ATP6V0A4: variants seen among roughly 807,000 people sequenced by gnomAD.
ATP6V0A4 encodes V-type proton ATPase 116 kDa subunit a 4.
Under a neutral mutation model 107.3 loss-of-function variants are expected in ATP6V0A4, and 86 were observed. The ratio of observed to expected loss-of-function variants is 0.80; its 90% CI spans 0.67 to 0.96. The LOEUF is 0.96. Ranked by LOEUF, ATP6V0A4 falls within the 40% of genes least tolerant of loss-of-function variation. The pLI, the probability that ATP6V0A4 is intolerant of heterozygous loss-of-function variation, is 0.00. For missense variants in ATP6V0A4, 908 were observed against 1,045.6 expected (o/e 0.87, Z 1.81); for synonymous variants, 353 against 381.4 (o/e 0.93, Z 0.87).
At chr7:138,788,589 T>C (rs1056427712) in intron 1 of ATP6V0A4, among the ~76,000 whole-genome samples, 1 of 152,196 alleles carries the variant, frequency 6.6e-6, no homozygotes, top group African/African-American at 2.4e-5. Flanking sequence ...TACCAAACTC[T>C]ATAATATCCT....
At chr7:138,769,584 G>C (rs552639713) in intron 3 of ATP6V0A4, among the ~76,000 whole-genome samples, 1 of 152,108 alleles carries the variant, frequency 6.6e-6, no homozygotes, top group South Asian at 2.1e-4. Flanking sequence ...CAAAGTGCTG[G>C]GATTACAAGC....
chr7:138,796,702 T>G (rs936275134), intron 1 of ATP6V0A4, among the ~76,000 whole-genome samples: 1 of 119,426 alleles, frequency 8.4e-6, no homozygotes, highest in Admixed American at 7.7e-5. Context: ...CATCCCATCC[T>G]CCTTTTTATT....
At chr7:138,794,369 C>G (rs1808557129) in intron 1 of ATP6V0A4, among the ~76,000 whole-genome samples, 1 of 152,130 alleles carries the variant, frequency 6.6e-6, no homozygotes, top group Non-Finnish European at 1.5e-5. Context: ...CGGGGCCTAT[C>G]AGAATCACAA....
intron 1 of ATP6V0A4, among the ~76,000 whole-genome samples, chr7:138,790,235 C>T (rs1468105889): frequency 6.6e-6 from 1 of 152,050 alleles, no homozygotes; most frequent in African/African-American, 2.4e-5. Flanking sequence ...GTTTTGTATA[C>T]TATGGCAAAT....
At chr7:138,711,305 T>C (rs1803731950) in intron 20 of ATP6V0A4, among the ~76,000 whole-genome samples, 1 of 152,192 alleles carries the variant, frequency 6.6e-6, no homozygotes, top group Admixed American at 6.5e-5. Context: ...CCCAGCTAAC[T>C]GCCCTACAAG....
Position 138,771,258 on chromosome 7 carries a change from C to T in ATP6V0A4, c.-11G>A, listed in dbSNP as rs761283202. On this transcript the variant is annotated 5_prime_UTR_variant, in exon 3 of 22. Coordinates refer to ENST00000310018, the MANE Select transcript of ATP6V0A4 (RefSeq NM_020632.3). ...AAACACAGACACCATCTTGGCCCAG[C>T]CTCGGTCTACAGGAGAAAAAGAAAA... 3 of 1,612,612 alleles carry T rather than the reference C, an allele frequency of 1.9e-6. No homozygotes were observed. The highest frequency in any genetic ancestry group is 2.5e-6 in the Non-Finnish European group (3 of 1,178,916).
Position 138,765,497 on chromosome 7 carries a change from G to A in ATP6V0A4, c.292-2472C>T, listed in dbSNP as rs182337529. Among the ~76,000 whole-genome samples, 345 of 152,276 alleles carry A rather than the reference G, an allele frequency of 2.3e-3. 3 individuals carry two copies. Among genetic ancestry groups the A allele is most frequent in the Admixed American group, 0.017 (267 of 15,302 alleles). ...CCAGGGCAGTTTCTGAGGGGATGGTGGTTTTTTCCCTCCCCCCTGAATTAG... is the reference window on the plus strand; with the variant it reads ...CCAGGGCAGTTTCTGAGGGGATGGTAGTTTTTTCCCTCCCCCCTGAATTAG... On this transcript the variant is annotated intron_variant, in intron 5 of 21. Transcript: ENST00000310018.
At chr7:138,770,989 TA>T in intron 3 of ATP6V0A4, 141 bp downstream of exon 3, 2 of 942,246 alleles carry the variant, frequency 2.1e-6, no homozygotes, top group Non-Finnish European at 3.4e-6. Flanking sequence ...CCAGAAGCAC[TA>T]AAACTACAGA....
At chr7:138,772,968 G>A (rs1163953536) in intron 2 of ATP6V0A4, among the ~76,000 whole-genome samples, 2 of 152,138 alleles carry the variant, frequency 1.3e-5, no homozygotes, top group East Asian at 1.9e-4. Flanking sequence ...GAGCCAAGGG[G>A]AGGAGGAGGG....
chr7:138,715,809 T>A lies in ATP6V0A4; in HGVS notation c.2212A>T (p.Thr738Ser), dbSNP rs1318697785. ...IEYCLGCISN[T>S]ASYLRLWALS... ...GCCCAGAGCCGCAGGTAGGAGGCTG[T>A]GTTTGAAATGCAGCCCAGGCAGTAC... is the stretch of plus-strand genomic sequence containing the variant. Residue 738 changes from threonine (T) to serine (S), a missense_variant, in exon 20 of 22, where the codon ACA becomes TCA. Transcript: ENST00000310018. 6.2e-7 allele frequency: 1 copy of A among 1,613,510 alleles called. No individual in the cohort carries two copies. Among genetic ancestry groups the A allele is most frequent in the Non-Finnish European group, 8.5e-7 (1 of 1,179,870 alleles).
At chr7:138,743,945 C>T (rs577794080) in intron 14 of ATP6V0A4, among the ~76,000 whole-genome samples, 2 of 152,190 alleles carry the variant, frequency 1.3e-5, no homozygotes, top group African/African-American at 4.8e-5. Flanking sequence ...CCCTGTTCTC[C>T]CCCAGTTCAT....
intron 11 of ATP6V0A4, among the ~76,000 whole-genome samples, chr7:138,750,590 C>T (rs1806172134): frequency 6.6e-6 from 1 of 152,242 alleles, no homozygotes; most frequent in Non-Finnish European, 1.5e-5. Flanking sequence ...GTGCCACATG[C>T]ACACCCACTG....
chr7:138,743,607 C>T (rs760689118), intron 14 of ATP6V0A4, among the ~76,000 whole-genome samples: 18 of 152,144 alleles, frequency 1.2e-4, no homozygotes, highest in South Asian at 2.1e-4. Flanking sequence ...CAGTAAGACC[C>T]GTGAAGTCCC....
chr7:138,769,312 C>CTTTCT (rs1554400395), intron 3 of ATP6V0A4, 61 bp from the exon 4 acceptor site: 2 of 1,325,908 alleles, frequency 1.5e-6, no homozygotes, highest in Non-Finnish European at 2.0e-6. Context: ...AGATTTCTTT[C>CTTTCT]TTTTTTTTTT....
chr7:138,717,908 GGAAAAAA>G (rs1235684416), intron 19 of ATP6V0A4, among the ~76,000 whole-genome samples: 89 of 73,042 alleles, frequency 1.2e-3, no homozygotes, highest in African/African-American at 4.7e-3. Flanking sequence ...ACTCTGTCTC[GGAAAAAA>G]AAAAAAAAAA....
intron 12 of ATP6V0A4, 79 bp downstream of exon 12, chr7:138,749,088 C>T (rs914967655): frequency 7.7e-6 from 12 of 1,567,904 alleles, no homozygotes; most frequent in Non-Finnish European, 1.1e-5. Context: ...ACAAGTTCAC[C>T]ACCTCGGTCA....
intron 12 of ATP6V0A4, among the ~76,000 whole-genome samples, chr7:138,747,976 G>A (rs114369884): frequency 0.043 from 6,467 of 151,844 alleles, 411 homozygotes; most frequent in East Asian, 0.28. Context: ...GGCTGGTCTC[G>A]AACTCCTGGT....
intron 18 of ATP6V0A4, among the ~76,000 whole-genome samples, chr7:138,725,346 T>A (rs1203021424): frequency 1.3e-5 from 2 of 152,182 alleles, no homozygotes; most frequent in Non-Finnish European, 2.9e-5. Flanking sequence ...TCACCATTTG[T>A]AATTACTAAC....
chr7:138,715,965 A>AT, intron 19 of ATP6V0A4, 84 bp from the exon 20 acceptor site: 2 of 1,558,842 alleles, frequency 1.3e-6, no homozygotes. Context: ...TGAATAAGAC[A>AT]TGGGCTTTGC....
Sources: allele counts gnomAD v4.1 joint callset (sites outside exome capture counted in the v4.1 genomes callset), GRCh38; gene constraint gnomAD v4.1.1; transcripts MANE v1.5; gene names NCBI Gene and HGNC (gene_info 2026-07-23, HGNC 2026-07-21).